Variants in SYNDIG1 observed in about 807,000 individuals in gnomAD.
SYNDIG1 encodes the protein synapse differentiation-inducing gene protein 1.
In SYNDIG1, 9 loss-of-function variants were observed where a neutral mutation model predicts 19.4. The ratio of observed to expected loss-of-function variants is 0.46; its 90% CI spans 0.28 to 0.81. The LOEUF (loss-of-function observed/expected upper bound fraction) is 0.81, where lower values mean the gene tolerates loss of function less well. Among genes scored for constraint, SYNDIG1 ranks in the 30% least tolerant of loss-of-function variants. The pLI is 0.12. For missense variants in SYNDIG1, 311 were observed against 343.3 expected, an observed-to-expected ratio of 0.91 and a Z score of 0.74; for synonymous variants, 141 against 145.9, an observed-to-expected ratio of 0.97 and a Z score of 0.24.
chr20:24,655,050 G>T (rs1004583210), intron 3 of SYNDIG1, among the ~76,000 whole-genome samples: 3 of 152,160 alleles, frequency 2.0e-5, no homozygotes, highest in Middle Eastern at 3.2e-3. Flanking sequence ...GCTTTCCTGA[G>T]ACAAGGCCTG....
intron 3 of SYNDIG1, among the ~76,000 whole-genome samples, chr20:24,652,191 G>A (rs1207155566): frequency 6.6e-6 from 1 of 152,182 alleles, no homozygotes; most frequent in Non-Finnish European, 1.5e-5. Flanking sequence ...TCCAGGAAAT[G>A]GGATTGACGG....
At chr20:24,566,466 A>G (rs2058043459) in intron 2 of SYNDIG1, among the ~76,000 whole-genome samples, 1 of 152,240 alleles carries the variant, frequency 6.6e-6, no homozygotes, top group South Asian at 2.1e-4. Flanking sequence ...GAAACTATCA[A>G]AGCCCTGCGG....
intron 3 of SYNDIG1, among the ~76,000 whole-genome samples, chr20:24,636,942 G>T (rs956573828): frequency 6.6e-6 from 1 of 152,246 alleles, no homozygotes; most frequent in Non-Finnish European, 1.5e-5. Context: ...CTGGGGCGCA[G>T]TAGGAAATCA....
At chr20:24,623,171 T>G (rs747620673) in intron 3 of SYNDIG1, among the ~76,000 whole-genome samples, 143 of 112,024 alleles carry the variant, frequency 1.3e-3, no homozygotes, top group Non-Finnish European at 2.2e-3. Context: ...AGAGCAAGAC[T>G]CCGTCAAAAA....
chr20:24,622,152 A>C (rs1024664093), intron 3 of SYNDIG1, among the ~76,000 whole-genome samples: 1 of 152,256 alleles, frequency 6.6e-6, no homozygotes, highest in Non-Finnish European at 1.5e-5. Flanking sequence ...GAAGAGGTAG[A>C]CAACACATAA....
At chr20:24,586,663 G>C (rs2058423282) in intron 3 of SYNDIG1, among the ~76,000 whole-genome samples, 2 of 152,208 alleles carry the variant, frequency 1.3e-5, no homozygotes, top group Non-Finnish European at 2.9e-5. Flanking sequence ...CTCCAGCCCT[G>C]CGTCATCTCC....
intron 1 of SYNDIG1, among the ~76,000 whole-genome samples, chr20:24,500,751 G>A (rs2056435148): frequency 6.6e-6 from 1 of 152,148 alleles, no homozygotes; most frequent in African/African-American, 2.4e-5. Context: ...GGTCCTGTCA[G>A]CCATGTCCAT....
At chr20:24,589,925 T>G (rs1387430531) in intron 3 of SYNDIG1, among the ~76,000 whole-genome samples, 1 of 152,136 alleles carries the variant, frequency 6.6e-6, no homozygotes, top group Non-Finnish European at 1.5e-5. Context: ...ACCCACTGAT[T>G]AGTGAACACC....
At chr20:24,625,014 T>G (rs2059101409) in intron 3 of SYNDIG1, among the ~76,000 whole-genome samples, 1 of 152,212 alleles carries the variant, frequency 6.6e-6, no homozygotes, top group African/African-American at 2.4e-5. Flanking sequence ...CATGAAAATA[T>G]AATTTAAAAT....
intron 3 of SYNDIG1, among the ~76,000 whole-genome samples, chr20:24,627,899 C>A (rs892624244): frequency 1.3e-5 from 2 of 152,252 alleles, no homozygotes; most frequent in African/African-American, 2.4e-5. Flanking sequence ...TGGCGGAGAT[C>A]CTCGGGCCGG....
intron 1 of SYNDIG1, among the ~76,000 whole-genome samples, chr20:24,530,649 G>A (rs2057236939): frequency 6.6e-6 from 1 of 152,120 alleles, no homozygotes; most frequent in South Asian, 2.1e-4. Context: ...TTAGGGTTTG[G>A]GAAAGACCCA....
intron 3 of SYNDIG1, among the ~76,000 whole-genome samples, chr20:24,606,472 C>A (rs1170744015): frequency 1.3e-5 from 2 of 152,106 alleles, no homozygotes; most frequent in African/African-American, 2.4e-5. Flanking sequence ...TGACCTCATG[C>A]TAAATCAAAA....
chr20:24,608,745 G>A (rs192073930), intron 3 of SYNDIG1, among the ~76,000 whole-genome samples: 3 of 152,314 alleles, frequency 2.0e-5, no homozygotes, highest in East Asian at 1.9e-4. Flanking sequence ...CAGACCGCCC[G>A]ATGGCCGTCA....
chr20:24,480,584 A>G lies in SYNDIG1; in HGVS notation c.-79+10831A>G, dbSNP rs544408247. 9.2e-5 allele frequency among the ~76,000 whole-genome samples: 14 copies of G among 152,346 alleles called. No homozygotes were observed. The East Asian group carries it at 2.7e-3, about 29-fold the overall frequency. On this transcript the variant is annotated intron_variant, in intron 1 of 3. Coordinates refer to ENST00000376862, the MANE Select transcript of SYNDIG1 (RefSeq NM_024893.3). ...GTGTGGAGGTTCCTCAGAAACACTAAACATAGATTTGCCATATGATCCAGC... is the reference window on the plus strand; with the variant it reads ...GTGTGGAGGTTCCTCAGAAACACTAGACATAGATTTGCCATATGATCCAGC...
At chr20:24,557,076 C>A (rs895352488) in intron 2 of SYNDIG1, among the ~76,000 whole-genome samples, 1 of 152,016 alleles carries the variant, frequency 6.6e-6, no homozygotes, top group African/African-American at 2.4e-5. Flanking sequence ...TCACTGATAC[C>A]CTTTCTTCCA....
intron 1 of SYNDIG1, among the ~76,000 whole-genome samples, chr20:24,521,795 G>A (rs2146545494): frequency 6.6e-6 from 1 of 151,662 alleles, no homozygotes; most frequent in African/African-American, 2.4e-5. Context: ...AGCTACTCGG[G>A]AGGCTGACGC....
intron 2 of SYNDIG1, among the ~76,000 whole-genome samples, chr20:24,555,176 C>A (rs538103626): frequency 2.0e-5 from 3 of 152,136 alleles, no homozygotes; most frequent in African/African-American, 7.2e-5. Flanking sequence ...TTTATTGCAT[C>A]TATTTGATTC....
At position 24,486,762 on chromosome 20, in the gene SYNDIG1, G is replaced by T. The variant is rs754022468; in HGVS notation, c.-79+17009G>T. 2.0e-5 allele frequency among the ~76,000 whole-genome samples: 3 copies of T among 151,936 alleles called. No homozygotes were observed. The East Asian group carries it at 5.8e-4, about 29-fold the overall frequency. On this transcript the variant is annotated intron_variant, in intron 1 of 3. Coordinates refer to ENST00000376862, the MANE Select transcript of SYNDIG1 (RefSeq NM_024893.3). Reference sequence around the variant, plus strand: ...AAACCTCCACCTCCCGGGTTCAAGCGATTCTCCTGCCTCACCCTCCTGAGT... The same window carrying T: ...AAACCTCCACCTCCCGGGTTCAAGCTATTCTCCTGCCTCACCCTCCTGAGT...
chr20:24,504,283 A>G (rs1352856254), intron 1 of SYNDIG1, among the ~76,000 whole-genome samples: 1 of 152,174 alleles, frequency 6.6e-6, no homozygotes, highest in East Asian at 1.9e-4. Context: ...TGCTTTGCGG[A>G]CTTTCATTGG....
Sources: gnomAD v4.1 joint callset for allele counts (sites outside exome capture counted in the v4.1 genomes callset) on GRCh38, gnomAD v4.1.1 for gene constraint, MANE v1.5 for transcripts, NCBI Gene and HGNC (gene_info 2026-07-23, HGNC 2026-07-21) for gene names.